Variants in CNTN5 observed in about 807,000 individuals in gnomAD.
The protein encoded by CNTN5 is contactin-5.
CNTN5 carries 77 observed loss-of-function variants against 129.1 expected under a neutral mutation model. The ratio of observed to expected loss-of-function variants is 0.60; its 90% CI spans 0.50 to 0.72. The LOEUF is 0.72. Ranked by LOEUF, CNTN5 falls within the 30% of genes least tolerant of loss-of-function variation. The pLI is 0.00. For missense variants in CNTN5, 1,478 were observed against 1,328.8 expected (o/e 1.11, Z -1.75); for synonymous variants, 509 against 465.6 (o/e 1.09, Z -1.20).
At chr11:100,309,990 C>G (rs1951439017) in intron 21 of CNTN5, among the ~76,000 whole-genome samples, 2 of 151,882 alleles carry the variant, frequency 1.3e-5, no homozygotes, top group Admixed American at 6.6e-5. Context: ...GTTTATGATA[C>G]AGAGCCTTGC....
chr11:99,531,561 C>T (rs1245553867), intron 2 of CNTN5, among the ~76,000 whole-genome samples: 5 of 152,196 alleles, frequency 3.3e-5, no homozygotes, highest in African/African-American at 4.8e-5. Flanking sequence ...ATAGCAGCGC[C>T]TCCCATCACC....
At chr11:100,329,207 A>G in intron 21 of CNTN5, among the ~76,000 whole-genome samples, 1 of 151,994 alleles carries the variant, frequency 6.6e-6, no homozygotes, top group Non-Finnish European at 1.5e-5. Flanking sequence ...GGCAGCTCTA[A>G]TCCCCTTGGG....
At position 99,870,907 on chromosome 11, in the gene CNTN5, G is replaced by A. The variant is rs573995319; in HGVS notation, c.577+25645G>A. ...CATAGCAATAACATACATTGAAAGC[G>A]AATATATTTATAGCCATTATTTAGG... On this transcript the variant is annotated intron_variant, in intron 6 of 24. Coordinates refer to ENST00000524871, the MANE Select transcript of CNTN5 (RefSeq NM_014361.4). Among the ~76,000 whole-genome samples the A allele has an allele frequency of 3.3e-5, 5 of 152,130 alleles. No homozygotes were observed. In the East Asian group the frequency reaches 5.8e-4, roughly 18 times the overall value.
chr11:99,794,142 A>G (rs551701136), intron 3 of CNTN5, among the ~76,000 whole-genome samples: 71 of 149,720 alleles, frequency 4.7e-4, no homozygotes, highest in African/African-American at 1.7e-3. Flanking sequence ...CTTTTTGTTG[A>G]ATTGAACCAT....
intron 3 of CNTN5, among the ~76,000 whole-genome samples, chr11:99,648,645 A>G (rs1371741908): frequency 6.6e-6 from 1 of 151,954 alleles, no homozygotes; most frequent in Non-Finnish European, 1.5e-5. Context: ...ACAATAGCCA[A>G]AATATGGAAT....
chr11:100,197,271 G>A (rs1948663211), intron 15 of CNTN5, among the ~76,000 whole-genome samples: 1 of 151,946 alleles, frequency 6.6e-6, no homozygotes, highest in Admixed American at 6.6e-5. Flanking sequence ...AAGCAGCAGA[G>A]GCCTCAAAGG....
At chr11:99,629,831 GTAT>G (rs1029133451) in intron 3 of CNTN5, among the ~76,000 whole-genome samples, 2 of 151,256 alleles carry the variant, frequency 1.3e-5, no homozygotes, top group Admixed American at 6.6e-5. Flanking sequence ...AGACTGATTT[GTAT>G]TATATTTTAA....
At chr11:99,960,348 C>G (rs939874304) in intron 8 of CNTN5, among the ~76,000 whole-genome samples, 1 of 143,246 alleles carries the variant, frequency 7.0e-6, no homozygotes. Flanking sequence ...CTTTCCTAAG[C>G]TACTTTTATG....
chr11:99,830,330 C>T (rs1159982215), intron 4 of CNTN5, among the ~76,000 whole-genome samples: 1 of 152,136 alleles, frequency 6.6e-6, no homozygotes, highest in Non-Finnish European at 1.5e-5. Flanking sequence ...AAATTTTTAG[C>T]ACTGTCTTCT....
At chr11:100,121,474 G>A (rs1946019845) in intron 13 of CNTN5, among the ~76,000 whole-genome samples, 1 of 151,812 alleles carries the variant, frequency 6.6e-6, no homozygotes, top group African/African-American at 2.4e-5. Context: ...TGTGCTTTGG[G>A]AGAGGTAGAA....
intron 13 of CNTN5, among the ~76,000 whole-genome samples, chr11:100,117,318 C>A (rs1392163129): frequency 6.6e-6 from 1 of 151,906 alleles, no homozygotes; most frequent in Non-Finnish European, 1.5e-5. Context: ...CATCCCTGTA[C>A]TTTCAGTCCC....
chr11:99,098,801 A>C (rs990666084), intron 1 of CNTN5, among the ~76,000 whole-genome samples: 3 of 152,084 alleles, frequency 2.0e-5, no homozygotes, highest in Admixed American at 2.0e-4. Flanking sequence ...TCAGAGACTA[A>C]AAGGTTTCCA....
chr11:100,214,355 G>A lies in CNTN5; in HGVS notation c.1885-10337G>A, dbSNP rs142277315. ...CATTAGGAGCAAAATGGAGCTAGTC[G>A]TGCTAGGCCTTCTTTCCACTGCTAC... On this transcript the variant is annotated intron_variant, in intron 15 of 24. Coordinates refer to ENST00000524871, the MANE Select transcript of CNTN5 (RefSeq NM_014361.4). Among the ~76,000 whole-genome samples, 667 of 152,190 alleles carry A rather than the reference G, an allele frequency of 4.4e-3. 3 individuals are homozygous for A. The highest frequency in any genetic ancestry group is 0.015 in the African/African-American group (603 of 41,510).
chr11:99,508,979 C>T (rs1341851959), intron 2 of CNTN5, among the ~76,000 whole-genome samples: 1 of 152,010 alleles, frequency 6.6e-6, no homozygotes, highest in African/African-American at 2.4e-5. Context: ...CCATGCCCGG[C>T]CGCCAAGATA....
intron 2 of CNTN5, among the ~76,000 whole-genome samples, chr11:99,471,061 A>G (rs1945151748): frequency 6.6e-6 from 1 of 152,090 alleles, no homozygotes; most frequent in Non-Finnish European, 1.5e-5. Flanking sequence ...TCAAGCTGAA[A>G]TTGCAGAGAG....
At chr11:99,181,904 C>G (rs571806458) in intron 1 of CNTN5, among the ~76,000 whole-genome samples, 1 of 152,026 alleles carries the variant, frequency 6.6e-6, no homozygotes, top group South Asian at 2.1e-4. Context: ...ATTGAGCAAC[C>G]CGCATCTGAG....
At chr11:99,904,971 C>T (rs1261086460) in intron 6 of CNTN5, among the ~76,000 whole-genome samples, 5 of 150,408 alleles carry the variant, frequency 3.3e-5, no homozygotes, top group African/African-American at 1.3e-4. Flanking sequence ...TATCCTTCAC[C>T]CACTTTTTGA....
intron 1 of CNTN5, among the ~76,000 whole-genome samples, chr11:99,133,381 C>A (rs1373986184): frequency 2.0e-5 from 3 of 150,632 alleles, no homozygotes; most frequent in Non-Finnish European, 3.0e-5. Flanking sequence ...AAAGCAATTG[C>A]AAAAAAAAGG....
intron 1 of CNTN5, among the ~76,000 whole-genome samples, chr11:99,313,621 C>G (rs1002579422): frequency 6.6e-6 from 1 of 151,998 alleles, no homozygotes; most frequent in Non-Finnish European, 1.5e-5. Flanking sequence ...AAATATACTT[C>G]TTTATCTCAA....
Sources: allele counts gnomAD v4.1 joint callset (sites outside exome capture counted in the v4.1 genomes callset), GRCh38; gene constraint gnomAD v4.1.1; transcripts MANE v1.5; gene names NCBI Gene and HGNC (gene_info 2026-07-23, HGNC 2026-07-21).